Variants in DGAT2 observed in about 807,000 individuals in gnomAD.
DGAT2 encodes the protein acyl-CoA retinol O-fatty-acyltransferase.
A neutral mutation model predicts 48.4 loss-of-function variants in DGAT2; 33 were observed. The observed-to-expected ratio is 0.68, with a 90% confidence interval of 0.52 to 0.91. The LOEUF (loss-of-function observed/expected upper bound fraction) is 0.91, where lower values mean the gene tolerates loss of function less well. Among genes scored for constraint, DGAT2 ranks in the 40% least tolerant of loss-of-function variants. DGAT2 has a pLI of 0.00. For synonymous variants in DGAT2, 191 were observed against 194.1 expected, an observed-to-expected ratio of 0.98 and a Z score of 0.13; for missense variants, 446 against 493.7, an observed-to-expected ratio of 0.90 and a Z score of 0.92.
At chr11:75,789,161 T>C (rs1331861296) in intron 2 of DGAT2, among the ~76,000 whole-genome samples, 1 of 151,818 alleles carries the variant, frequency 6.6e-6, no homozygotes, top group Non-Finnish European at 1.5e-5. Flanking sequence ...TTTTTTTTTT[T>C]ACTTTTGAGA....
chr11:75,792,579 T>G (rs971944697), intron 4 of DGAT2: 7 of 151,902 alleles, frequency 4.6e-5, no homozygotes, highest in Non-Finnish European at 7.4e-5. Context: ...CCCTTCCTGG[T>G]GGGACTCTGG....
chr11:75,786,901 A>G (rs1362757538), intron 2 of DGAT2, among the ~76,000 whole-genome samples: 2 of 152,242 alleles, frequency 1.3e-5, no homozygotes, highest in Non-Finnish European at 2.9e-5. Context: ...TACAAGGTGC[A>G]TTGGATTTCA....
chr11:75,789,295 C>G (rs1944957524), intron 2 of DGAT2, among the ~76,000 whole-genome samples: 1 of 152,180 alleles, frequency 6.6e-6, no homozygotes, highest in African/African-American at 2.4e-5. Flanking sequence ...ACTACAGGCA[C>G]ATGCCACCTT....
chr11:75,768,806 A>G lies in DGAT2; in HGVS notation c.-186A>G, dbSNP rs896623019. 22 of 662,770 alleles carry G rather than the reference A, an allele frequency of 3.3e-5. No homozygotes were observed. The highest frequency in any genetic ancestry group is 1.4e-4 in the East Asian group (4 of 28,604). The allele number at this position is 662,770 out of a possible 1,614,324, so 41.1% of individuals were successfully genotyped here. A position where few individuals can be genotyped will look rare whatever the true frequency, so the allele number is the denominator to read the frequency against. ...GCGGCTGCCGCCTCTGCTGGGGTCT[A>G]GGCTGTTTCTCTCGCGCCACCACTG... On this transcript the variant is annotated 5_prime_UTR_variant, in exon 1 of 8. Transcript: ENST00000228027.
chr11:75,770,235 A>G (rs541642510), intron 1 of DGAT2, among the ~76,000 whole-genome samples: 3 of 152,278 alleles, frequency 2.0e-5, no homozygotes, highest in South Asian at 4.1e-4. Flanking sequence ...ATCACTTACA[A>G]TGTCCTAGTG....
intron 7 of DGAT2, 33 bp downstream of exon 7, chr11:75,798,462 C>T (rs1011752990): frequency 1.2e-6 from 2 of 1,606,094 alleles, no homozygotes; most frequent in Non-Finnish European, 1.7e-6. Context: ...AAGGGCTGTC[C>T]TGAACACAGG....
At chr11:75,774,782 C>T (rs531811576) in intron 1 of DGAT2, among the ~76,000 whole-genome samples, 2 of 152,166 alleles carry the variant, frequency 1.3e-5, no homozygotes, top group Admixed American at 6.5e-5. Context: ...GTGATGGGGA[C>T]GTATTTTGGA....
intron 7 of DGAT2, among the ~76,000 whole-genome samples, chr11:75,798,671 C>T (rs756245952): frequency 2.0e-5 from 3 of 152,190 alleles, no homozygotes; most frequent in Non-Finnish European, 4.4e-5. Flanking sequence ...TCTGCAGTCT[C>T]TGGGTTTGCA....
chr11:75,787,470 A>G (rs1944934081), intron 2 of DGAT2, among the ~76,000 whole-genome samples: 1 of 152,150 alleles, frequency 6.6e-6, no homozygotes, highest in Non-Finnish European at 1.5e-5. Flanking sequence ...TCGTGGCTTC[A>G]GAATTTTGTA....
Position 75,800,698 on chromosome 11 carries a change from T to C in DGAT2, c.*190T>C, listed in dbSNP as rs866936335. ...ATTTCAAGTTCTTTCACTTCCAGCT[T>C]GCCCTGTTCTAGGTGGTGGCTAAAT... On this transcript the variant is annotated 3_prime_UTR_variant, in exon 8 of 8. Coordinates refer to ENST00000228027, the MANE Select transcript of DGAT2 (RefSeq NM_032564.5). 4.0e-6 allele frequency: 3 copies of C among 745,210 alleles called. No homozygotes were observed. Among genetic ancestry groups the C allele is most frequent in the Middle Eastern group, 4.0e-4 (1 of 2,496 alleles). The allele number at this position is 745,210 out of a possible 1,614,324, so 46.2% of individuals were successfully genotyped here. A position where few individuals can be genotyped will look rare whatever the true frequency, so the allele number is the denominator to read the frequency against.
intron 1 of DGAT2, among the ~76,000 whole-genome samples, chr11:75,779,941 A>G (rs1305045107): frequency 6.6e-6 from 1 of 152,206 alleles, no homozygotes; most frequent in East Asian, 1.9e-4. Flanking sequence ...GGATTTGCTT[A>G]TGGATTTGCT....
At position 75,790,877 on chromosome 11, in the gene DGAT2, C is replaced by G. The variant is rs1270437494; in HGVS notation, c.429+146C>G. On this transcript the variant is annotated intron_variant, in intron 4 of 7. Transcript: ENST00000228027. ...CTGTGTCACTGGCTGTGCTGGGGAC[C>G]CCACTGCTCTTCTGAGTATCCATCT... 5 of 778,118 alleles carry G rather than the reference C, an allele frequency of 6.4e-6. No individual in the cohort carries two copies. In the East Asian group the frequency reaches 1.3e-4, roughly 21 times the overall value. 48.2% of individuals were successfully genotyped at this position (778,118 alleles called of 1,614,324 possible).
In DGAT2 at chr11:75,769,020, G is replaced by T; in HGVS notation, c.29G>T (p.Gly10Val). 1 of 1,575,928 alleles carries T rather than the reference G, an allele frequency of 6.3e-7. No individual in the cohort carries two copies. The highest frequency in any genetic ancestry group is 2.4e-5 in the East Asian group (1 of 40,944). ...AAGACCCTCATAGCCGCCTACTCCG[G>T]GGTCCTGCGCGGCGAGCGTCAGGCC... MKTLIAAYS[G>V]VLRGERQAEA... The change falls in exon 1 of 8, where the codon GGG (glycine) becomes GTG (valine). Residue 10 changes from glycine to valine, a missense_variant. Transcript: ENST00000228027.
At chr11:75,798,776 C>G (rs1359413763) in intron 7 of DGAT2, among the ~76,000 whole-genome samples, 1 of 152,014 alleles carries the variant, frequency 6.6e-6, no homozygotes, top group Non-Finnish European at 1.5e-5. Context: ...CATAGCGGAC[C>G]CCAGGGAGGA....
intron 1 of DGAT2, among the ~76,000 whole-genome samples, chr11:75,775,143 C>T (rs1156817336): frequency 1.3e-5 from 2 of 152,226 alleles, no homozygotes; most frequent in African/African-American, 4.8e-5. Flanking sequence ...TGGATTCTAG[C>T]AGAGCACAGG....
intron 1 of DGAT2, among the ~76,000 whole-genome samples, chr11:75,778,802 C>G (rs1257193197): frequency 1.4e-5 from 2 of 146,174 alleles, no homozygotes; most frequent in African/African-American, 5.2e-5. Context: ...CCACTGCACT[C>G]CAGCCTGGGC....
intron 1 of DGAT2, among the ~76,000 whole-genome samples, chr11:75,774,344 G>A (rs1036953453): frequency 5.9e-5 from 9 of 152,208 alleles, no homozygotes; most frequent in African/African-American, 1.7e-4. Flanking sequence ...TCTATGAAAT[G>A]AGCAAAAGTG....
intron 1 of DGAT2, chr11:75,776,150 A>G (rs1281287863): frequency 6.6e-6 from 1 of 152,240 alleles, no homozygotes; most frequent in Non-Finnish European, 1.5e-5. Flanking sequence ...CTGATTCCCC[A>G]GAAAGCTCTG....
chr11:75,791,137 C>G (rs79474909), intron 4 of DGAT2, among the ~76,000 whole-genome samples: 3,812 of 152,354 alleles, frequency 0.025, 171 homozygotes, highest in African/African-American at 0.087. Context: ...CCAGCTCCAG[C>G]ACACCCTAGC....
Sources: gnomAD v4.1 joint callset for allele counts (sites outside exome capture counted in the v4.1 genomes callset) on GRCh38, gnomAD v4.1.1 for gene constraint, MANE v1.5 for transcripts, NCBI Gene and HGNC (gene_info 2026-07-23, HGNC 2026-07-21) for gene names.